RYK: variants seen among roughly 807,000 people sequenced by gnomAD.
RYK encodes the protein inactive tyrosine-protein kinase RYK.
A neutral mutation model predicts 70.2 loss-of-function variants in RYK; 21 were observed. The ratio of observed to expected loss-of-function variants is 0.30; its 90% CI spans 0.21 to 0.43. The LOEUF (loss-of-function observed/expected upper bound fraction) is 0.43. Ranked by LOEUF, RYK falls within the 20% of genes least tolerant of loss-of-function variation. The pLI, the probability that RYK is intolerant of heterozygous loss-of-function variation, is 1.00. For synonymous variants in RYK, 267 were observed against 278.0 expected (o/e 0.96, Z 0.39); for missense variants, 604 against 753.3 (o/e 0.80, Z 2.32).
chr3:134,188,332 T>C (rs2013538030), intron 9 of RYK, among the ~76,000 whole-genome samples: 1 of 151,920 alleles, frequency 6.6e-6, no homozygotes, highest in South Asian at 2.1e-4. Context: ...GGCTAATTTT[T>C]GTATTTTTAG....
intron 5 of RYK, among the ~76,000 whole-genome samples, chr3:134,204,951 CAG>C (rs2014169579): frequency 6.6e-6 from 1 of 152,090 alleles, no homozygotes; most frequent in Non-Finnish European, 1.5e-5. Context: ...CAGAGTAATT[CAG>C]AGAGACAGCA....
intron 1 of RYK, among the ~76,000 whole-genome samples, chr3:134,238,277 C>T (rs2015239460): frequency 2.0e-5 from 3 of 152,120 alleles, no homozygotes; most frequent in African/African-American, 7.2e-5. Context: ...TATGATTTTT[C>T]GTGTAATTCT....
intron 13 of RYK, among the ~76,000 whole-genome samples, chr3:134,160,779 C>T (rs769901830): frequency 2.3e-4 from 35 of 152,238 alleles, no homozygotes; most frequent in Admixed American, 5.2e-4. Context: ...CGCTTAAACC[C>T]GGGAGGCGGA....
chr3:134,223,706 G>T (rs2014804954), intron 1 of RYK, among the ~76,000 whole-genome samples: 1 of 152,038 alleles, frequency 6.6e-6, no homozygotes, highest in East Asian at 1.9e-4. Flanking sequence ...TTGATTTACT[G>T]TTATTTAAAG....
At chr3:134,249,650 C>T (rs527999252) in intron 1 of RYK, among the ~76,000 whole-genome samples, 1 of 152,144 alleles carries the variant, frequency 6.6e-6, no homozygotes, top group East Asian at 1.9e-4. Flanking sequence ...TAAATGGAAC[C>T]ACAAACCGAC....
rs2014247830 is a variant in RYK, at chr3:134,207,393, G to A, written c.643+79C>T. ...TCATTTGATACCATGAGGCCTCCAA[G>A]CTTCATGCAATCATGTTTATATGCA... On this transcript the variant is annotated intron_variant, in intron 5 of 14. Coordinates refer to ENST00000623711, the MANE Select transcript of RYK (RefSeq NM_002958.4). The A allele has an allele frequency of 9.1e-6, 8 of 882,702 alleles. No homozygotes were observed. The Admixed American group carries it at 1.5e-4, about 17-fold the overall frequency. 54.7% of individuals were successfully genotyped at this position (882,702 alleles called of 1,614,324 possible).
chr3:134,231,205 A>G (rs2015050000), intron 1 of RYK, among the ~76,000 whole-genome samples: 1 of 151,910 alleles, frequency 6.6e-6, no homozygotes, highest in Non-Finnish European at 1.5e-5. Context: ...AAAAAAAAAA[A>G]AAAAGAAGAA....
chr3:134,158,372 G>A (rs1238195885), intron 14 of RYK, 108 bp from the exon 15 acceptor site: 10 of 465,500 alleles, frequency 2.1e-5, no homozygotes, highest in Non-Finnish European at 3.7e-5. Flanking sequence ...GGTATGGAGA[G>A]GATGATATAT....
At chr3:134,189,279 A>G (rs1164070164) in intron 8 of RYK, among the ~76,000 whole-genome samples, 4 of 152,208 alleles carry the variant, frequency 2.6e-5, no homozygotes, top group Non-Finnish European at 5.9e-5. Flanking sequence ...AGAAATGACG[A>G]AAAGACAAAA....
At chr3:134,167,369 A>C (rs2012709807) in intron 13 of RYK, among the ~76,000 whole-genome samples, 2 of 152,182 alleles carry the variant, frequency 1.3e-5, no homozygotes, top group Non-Finnish European at 2.9e-5. Flanking sequence ...CAGTAACCAA[A>C]ACAGCATGGT....
intron 1 of RYK, among the ~76,000 whole-genome samples, chr3:134,240,026 G>A (rs2015282336): frequency 2.0e-5 from 3 of 152,180 alleles, no homozygotes; most frequent in Non-Finnish European, 2.9e-5. Flanking sequence ...AGGGATAAGA[G>A]TGGATCCAGG....
chr3:134,210,123 A>C (rs2014343888), intron 3 of RYK, among the ~76,000 whole-genome samples: 1 of 152,212 alleles, frequency 6.6e-6, no homozygotes, highest in South Asian at 2.1e-4. Context: ...TTAATACACC[A>C]CTTTGTCTCA....
chr3:134,195,328 A>G, intron 6 of RYK, 146 bp from the exon 7 acceptor site: 1 of 600,822 alleles, frequency 1.7e-6, no homozygotes, highest in Non-Finnish European at 2.9e-6. Flanking sequence ...TCCAATACTG[A>G]TATTTTAATC....
intron 10 of RYK, chr3:134,178,310 A>G (rs2013177711): frequency 5.4e-6 from 2 of 367,626 alleles, no homozygotes; most frequent in Admixed American, 4.7e-5. Flanking sequence ...CATAAACTCA[A>G]AGTTGCTTCC....
chr3:134,248,205 G>A (rs1228440276), intron 1 of RYK, among the ~76,000 whole-genome samples: 1 of 152,156 alleles, frequency 6.6e-6, no homozygotes, highest in Non-Finnish European at 1.5e-5. Flanking sequence ...ATTTGCACTA[G>A]AGAAAATACT....
At chr3:134,179,654 G>A (rs944951061) in intron 10 of RYK, 1 of 152,160 alleles carries the variant, frequency 6.6e-6, no homozygotes, top group African/African-American at 2.4e-5. Flanking sequence ...AGAGGAGCAA[G>A]GGAGATCACA....
chr3:134,209,031 AAGG>A (rs2107678410), intron 4 of RYK, among the ~76,000 whole-genome samples: 2 of 152,278 alleles, frequency 1.3e-5, no homozygotes, highest in Non-Finnish European at 2.9e-5. Flanking sequence ...CTAAACTTGT[AAGG>A]AGAACTCTAA....
chr3:134,189,333 A>C (rs2013569552), intron 8 of RYK, among the ~76,000 whole-genome samples: 1 of 152,172 alleles, frequency 6.6e-6, no homozygotes, highest in African/African-American at 2.4e-5. Flanking sequence ...AGTAGCTTCA[A>C]GGGAAGGCCA....
chr3:134,204,494 G>A (rs530807684), intron 5 of RYK, among the ~76,000 whole-genome samples: 8 of 151,498 alleles, frequency 5.3e-5, no homozygotes, highest in African/African-American at 1.5e-4. Flanking sequence ...GCAAGACTCC[G>A]TCTCAAAAAT....
Sources: gnomAD v4.1 joint callset for allele counts (sites outside exome capture counted in the v4.1 genomes callset) on GRCh38, gnomAD v4.1.1 for gene constraint, MANE v1.5 for transcripts, NCBI Gene and HGNC (gene_info 2026-07-23, HGNC 2026-07-21) for gene names.